Variants in CTNNA2 observed in about 807,000 individuals in gnomAD.
CTNNA2 encodes catenin alpha-2.
A neutral mutation model predicts 101.0 loss-of-function variants in CTNNA2; 42 were observed. The observed-to-expected ratio is 0.42, with a 90% confidence interval of 0.32 to 0.54. The LOEUF (loss-of-function observed/expected upper bound fraction) is 0.54. CTNNA2 is among the 20% of genes least tolerant of loss of function. CTNNA2 has a pLI of 0.14. For missense variants in CTNNA2, 871 were observed against 1,223.1 expected, an observed-to-expected ratio of 0.71 and a Z score of 4.29; for synonymous variants, 450 against 456.4, an observed-to-expected ratio of 0.99 and a Z score of 0.18.
At chr2:80,308,097 A>G (rs1456874284) in intron 7 of CTNNA2, among the ~76,000 whole-genome samples, 1 of 152,180 alleles carries the variant, frequency 6.6e-6, no homozygotes, top group Non-Finnish European at 1.5e-5. Flanking sequence ...TTGCCTAATG[A>G]GCCCTCCTGT....
At chr2:80,053,108 A>G (rs907892653) in intron 7 of CTNNA2, among the ~76,000 whole-genome samples, 1 of 152,170 alleles carries the variant, frequency 6.6e-6, no homozygotes, top group Non-Finnish European at 1.5e-5. Flanking sequence ...CATACATTCA[A>G]TTTGTTACCA....
chr2:80,564,848 C>T (rs1386154016), intron 12 of CTNNA2, among the ~76,000 whole-genome samples: 1 of 152,134 alleles, frequency 6.6e-6, no homozygotes, highest in Non-Finnish European at 1.5e-5. Flanking sequence ...GTTGTTCTTG[C>T]TCCTGGATTC....
At chr2:79,418,557 T>G (rs1678507791) in intron 4 of CTNNA2, among the ~76,000 whole-genome samples, 1 of 152,176 alleles carries the variant, frequency 6.6e-6, no homozygotes, top group Non-Finnish European at 1.5e-5. Context: ...AGGCTTCAGA[T>G]GGTGTGAGTA....
chr2:80,202,056 C>G (rs554883632), intron 7 of CTNNA2, among the ~76,000 whole-genome samples: 1 of 152,164 alleles, frequency 6.6e-6, no homozygotes, highest in Non-Finnish European at 1.5e-5. Context: ...ATTTTCCCTA[C>G]TAGCTTCAAC....
chr2:79,786,101 T>C (rs976582975), intron 3 of CTNNA2, among the ~76,000 whole-genome samples: 2 of 152,156 alleles, frequency 1.3e-5, no homozygotes, highest in African/African-American at 4.8e-5. Context: ...ATTTCCCATG[T>C]TGAAATATGA....
chr2:80,609,397 C>T (rs1698278341), intron 17 of CTNNA2, among the ~76,000 whole-genome samples: 1 of 151,724 alleles, frequency 6.6e-6, no homozygotes, highest in Admixed American at 6.6e-5. Flanking sequence ...CATAGAGACA[C>T]CATCTGGAAA....
rs369510711 is a variant in CTNNA2 at position 79,909,876 on chromosome 2, G to A, written c.1056+79G>A. 7.1e-6 allele frequency: 10 copies of A among 1,405,214 alleles called. No individual in the cohort carries two copies. In the East Asian group the frequency reaches 1.4e-4, roughly 20 times the overall value. The allele number at this position is 1,405,214 out of a possible 1,614,324, so 87.0% of individuals were successfully genotyped here. ...TGTTGCTCTTTTGGAAGCATAGATA[G>A]CAGGAAAAGAGAACAGACCAGGTGT... On this transcript the variant is annotated intron_variant, in intron 7 of 18. Coordinates refer to ENST00000402739, the MANE Select transcript of CTNNA2 (RefSeq NM_001282597.3).
intron 12 of CTNNA2, among the ~76,000 whole-genome samples, chr2:80,571,653 T>G (rs933418200): frequency 6.6e-6 from 1 of 152,186 alleles, no homozygotes; most frequent in Non-Finnish European, 1.5e-5. Flanking sequence ...CACACGATAT[T>G]GTTTTTCCCA....
rs941946195 is a variant in CTNNA2, at chr2:80,061,115, A to G, written c.1056+151318A>G. ...TCCCCAGCATGTAAACCTCTATTTC[A>G]GAGTATGTTTCCCAGGTAACCTAAA... On this transcript the variant is annotated intron_variant, in intron 7 of 18. Transcript: ENST00000402739. Among the ~76,000 whole-genome samples the G allele has an allele frequency of 5.9e-5, 9 of 152,318 alleles. No homozygotes were observed. The East Asian group carries it at 9.7e-4, about 16-fold the overall frequency.
At chr2:79,766,624 A>G (rs376630616) in intron 3 of CTNNA2, among the ~76,000 whole-genome samples, 17 of 152,146 alleles carry the variant, frequency 1.1e-4, no homozygotes, top group African/African-American at 3.1e-4. Flanking sequence ...TTCTACCTCT[A>G]TCCCTTTCTC....
intron 2 of CTNNA2, among the ~76,000 whole-genome samples, chr2:79,695,989 G>C (rs1000444855): frequency 6.6e-6 from 1 of 151,976 alleles, no homozygotes; most frequent in East Asian, 1.9e-4. Context: ...TGCCAGGATG[G>C]TGTGGCTACC....
intron 2 of CTNNA2, among the ~76,000 whole-genome samples, chr2:79,714,339 T>C (rs1685934832): frequency 1.3e-5 from 2 of 152,074 alleles, no homozygotes; most frequent in African/African-American, 4.8e-5. Flanking sequence ...AAAAGCTGTA[T>C]AGGGCAAGTG....
chr2:79,563,394 G>C (rs1399098545), intron 1 of CTNNA2, among the ~76,000 whole-genome samples: 3 of 151,954 alleles, frequency 2.0e-5, no homozygotes, highest in Admixed American at 2.0e-4. Flanking sequence ...CAAAAGTTGT[G>C]TTTTATACAT....
intron 3 of CTNNA2, among the ~76,000 whole-genome samples, chr2:79,335,336 G>C (rs575303635): frequency 2.0e-4 from 31 of 152,272 alleles, no homozygotes; most frequent in Admixed American, 5.9e-4. Flanking sequence ...CCAAGACTCA[G>C]AGGGGGACAA....
intron 1 of CTNNA2, among the ~76,000 whole-genome samples, chr2:79,561,203 T>G (rs142562815): frequency 1.3e-5 from 2 of 152,066 alleles, no homozygotes; most frequent in East Asian, 3.9e-4. Context: ...CTGGCTTCTT[T>G]CCTTTAGCCT....
chr2:80,048,925 G>A (rs1696696085), intron 7 of CTNNA2, among the ~76,000 whole-genome samples: 1 of 152,140 alleles, frequency 6.6e-6, no homozygotes, highest in African/African-American at 2.4e-5. Context: ...GGTCAGTGAT[G>A]GTAGGAATCT....
chr2:79,663,792 A>C (rs6712395), intron 2 of CTNNA2, among the ~76,000 whole-genome samples: 84,085 of 152,028 alleles, frequency 0.55, 23,441 homozygotes, highest in East Asian at 0.75. Flanking sequence ...TGTAGATAGA[A>C]ATGATGCTAG....
chr2:79,288,111 C>T (rs1381060188), intron 2 of CTNNA2, among the ~76,000 whole-genome samples: 6 of 152,212 alleles, frequency 3.9e-5, no homozygotes, highest in African/African-American at 1.4e-4. Context: ...TCACCTCGCG[C>T]ATGGTGCGCG....
intron 12 of CTNNA2, among the ~76,000 whole-genome samples, chr2:80,561,445 C>G (rs566627882): frequency 2.0e-5 from 3 of 152,124 alleles, no homozygotes; most frequent in Admixed American, 1.3e-4. Flanking sequence ...TTCCTAAAAG[C>G]AAATGCAAGG....
Sources: gnomAD v4.1 joint callset for allele counts (sites outside exome capture counted in the v4.1 genomes callset) on GRCh38, gnomAD v4.1.1 for gene constraint, MANE v1.5 for transcripts, NCBI Gene and HGNC (gene_info 2026-07-23, HGNC 2026-07-21) for gene names.